PNPLA1: variants seen among roughly 807,000 people sequenced by gnomAD.
PNPLA1 encodes omega-hydroxyceramide transacylase.
Under a neutral mutation model 51.7 loss-of-function variants are expected in PNPLA1, and 36 were observed. The observed-to-expected ratio is 0.70, with a 90% CI of 0.53 to 0.92. PNPLA1 has a LOEUF of 0.92. Among genes scored for constraint, PNPLA1 ranks in the 40% least tolerant of loss-of-function variants. The pLI, the probability that PNPLA1 is intolerant of heterozygous loss-of-function variation, is 0.00. For synonymous variants in PNPLA1, 293 were observed against 280.1 expected, an observed-to-expected ratio of 1.05 and a Z score of -0.46; for missense variants, 658 against 682.5, an observed-to-expected ratio of 0.96 and a Z score of 0.40.
intron 5 of PNPLA1, among the ~76,000 whole-genome samples, chr6:36,299,805 G>A (rs573303483): frequency 1.3e-5 from 2 of 152,136 alleles, no homozygotes; most frequent in South Asian, 2.1e-4. Flanking sequence ...TGAAGCATTC[G>A]TTCCACTCTT....
chr6:36,262,127 C>T (rs1427491509), intron 1 of PNPLA1, among the ~76,000 whole-genome samples: 1 of 152,174 alleles, frequency 6.6e-6, no homozygotes, highest in Non-Finnish European at 1.5e-5. Flanking sequence ...AGACTGAGAG[C>T]CTGGGGGTGA....
At chr6:36,258,749 C>T (rs1013288626) in intron 1 of PNPLA1, among the ~76,000 whole-genome samples, 13 of 152,160 alleles carry the variant, frequency 8.5e-5, no homozygotes, top group African/African-American at 2.9e-4. Context: ...AGAAGGTAAA[C>T]AGAATTAGGA....
At chr6:36,265,941 G>A (rs1424400443), upstream of PNPLA1, among the ~76,000 whole-genome samples, 5 of 152,102 alleles carry the variant, frequency 3.3e-5, no homozygotes, top group Admixed American at 2.0e-4. Context: ...CAGAGGTTAG[G>A]TTATAAAAAG....
intron 5 of PNPLA1, among the ~76,000 whole-genome samples, chr6:36,298,694 T>C (rs1340173003): frequency 6.6e-6 from 1 of 152,258 alleles, no homozygotes. Flanking sequence ...TAACTTAACA[T>C]AATGGCCTCA....
intron 5 of PNPLA1, among the ~76,000 whole-genome samples, chr6:36,295,799 A>G (rs1158515400): frequency 2.0e-5 from 3 of 152,188 alleles, no homozygotes; most frequent in Non-Finnish European, 2.9e-5. Flanking sequence ...TAGTAAAATC[A>G]CATTATTAAT....
At chr6:36,303,831 TA>T (rs1431123872) in intron 6 of PNPLA1, among the ~76,000 whole-genome samples, 1 of 152,064 alleles carries the variant, frequency 6.6e-6, no homozygotes, top group African/African-American at 2.4e-5. Context: ...AAACTCCATT[TA>T]AAAAATATAT....
At chr6:36,300,548 G>T (rs1771010924) in intron 5 of PNPLA1, among the ~76,000 whole-genome samples, 1 of 152,126 alleles carries the variant, frequency 6.6e-6, no homozygotes, top group Admixed American at 6.5e-5. Context: ...CTCAGTTGGG[G>T]TTTGTCTGAT....
At chr6:36,296,126 T>C (rs1442426259) in intron 5 of PNPLA1, among the ~76,000 whole-genome samples, 1 of 152,126 alleles carries the variant, frequency 6.6e-6, no homozygotes, top group Admixed American at 6.5e-5. Flanking sequence ...GCCTGGGCGA[T>C]TGTGAGATTC....
At chr6:36,302,533 G>A (rs1771095936) in intron 6 of PNPLA1, 64 bp downstream of exon 6, 1 of 1,508,080 alleles carries the variant, frequency 6.6e-7, no homozygotes, top group Non-Finnish European at 8.8e-7. Flanking sequence ...AGCGAGCAAG[G>A]ACACCAGGGC....
At chr6:36,292,669 G>A (rs12190976) in intron 2 of PNPLA1, among the ~76,000 whole-genome samples, 55,327 of 151,920 alleles carry the variant, frequency 0.36, 10,633 homozygotes, top group Non-Finnish European at 0.42. Flanking sequence ...TCACCCACTT[G>A]CTCACTCCCT....
chr6:36,297,650 C>T (rs1002268896), intron 5 of PNPLA1, among the ~76,000 whole-genome samples: 1 of 152,250 alleles, frequency 6.6e-6, no homozygotes, highest in African/African-American at 2.4e-5. Context: ...CGGCCTTCTG[C>T]CAAAGGGAAT....
chr6:36,306,146 ACT>A (rs1463863627), intron 6 of PNPLA1, 144 bp from the exon 7 acceptor site: 42 of 639,574 alleles, frequency 6.6e-5, no homozygotes, highest in Non-Finnish European at 1.0e-4. Context: ...CCACGACATG[ACT>A]CTGGTTGTAA....
chr6:36,295,022 G>A (rs1006507196), intron 4 of PNPLA1, among the ~76,000 whole-genome samples: 1 of 152,138 alleles, frequency 6.6e-6, no homozygotes, highest in African/African-American at 2.4e-5. Flanking sequence ...GCCAATAAGG[G>A]GCAGCCCAGA....
At chr6:36,279,287 G>T (rs1253584851) in intron 1 of PNPLA1, among the ~76,000 whole-genome samples, 1 of 152,192 alleles carries the variant, frequency 6.6e-6, no homozygotes, top group African/African-American at 2.4e-5. Flanking sequence ...CAGAGCACTG[G>T]AGAAGTGTTT....
At chr6:36,248,184 G>A (rs1769340665) in intron 1 of PNPLA1, among the ~76,000 whole-genome samples, 1 of 152,142 alleles carries the variant, frequency 6.6e-6, no homozygotes, top group Non-Finnish European at 1.5e-5. Context: ...TGCTGTGGGA[G>A]GAAGGGAGGT....
chr6:36,277,364 C>T (rs1770137332), intron 1 of PNPLA1, among the ~76,000 whole-genome samples: 1 of 152,216 alleles, frequency 6.6e-6, no homozygotes, highest in African/African-American at 2.4e-5. Flanking sequence ...CATGGTCACA[C>T]CTGACTGCAA....
At chr6:36,305,600 A>G (rs1240506980) in intron 6 of PNPLA1, among the ~76,000 whole-genome samples, 1 of 152,138 alleles carries the variant, frequency 6.6e-6, no homozygotes. Flanking sequence ...AGTAATGGCC[A>G]TGAAACTATT....
intron 1 of PNPLA1, among the ~76,000 whole-genome samples, chr6:36,247,710 C>A (rs1769327523): frequency 6.6e-6 from 1 of 152,216 alleles, no homozygotes; most frequent in African/African-American, 2.4e-5. Context: ...AGCCCAGGGG[C>A]TCCTCCAGTT....
chr6:36,264,320 T>TTGTC (rs1769716378), intron 1 of PNPLA1, among the ~76,000 whole-genome samples: 1 of 152,212 alleles, frequency 6.6e-6, no homozygotes, highest in African/African-American at 2.4e-5. Flanking sequence ...ATGATACATG[T>TTGTC]TGTCCCATGG....
Sources: allele counts gnomAD v4.1 joint callset (sites outside exome capture counted in the v4.1 genomes callset), GRCh38; gene constraint gnomAD v4.1.1; transcripts MANE v1.5; gene names NCBI Gene and HGNC (gene_info 2026-07-23, HGNC 2026-07-21).